The following DLGAP2 variants were observed in gnomAD, a reference collection of about 807,000 sequenced individuals.
DLGAP2 encodes the protein disks large-associated protein 2.
A neutral mutation model predicts 100.3 loss-of-function variants in DLGAP2; 26 were observed. The ratio of observed to expected loss-of-function variants is 0.26; its 90% CI spans 0.19 to 0.36. The LOEUF is 0.36. DLGAP2 is among the 10% of genes least tolerant of loss of function. The pLI is 1.00. For missense variants in DLGAP2, 1,858 were observed against 1,453.2 expected, an observed-to-expected ratio of 1.28 and a Z score of -4.53; for synonymous variants, 886 against 630.1, an observed-to-expected ratio of 1.41 and a Z score of -6.08.
intron 2 of DLGAP2, among the ~76,000 whole-genome samples, chr8:921,488 TGTGGCCAC>T (rs1251656993): frequency 1.3e-5 from 2 of 152,256 alleles, no homozygotes; most frequent in Admixed American, 6.5e-5. Flanking sequence ...TGAGCATTTC[TGTGGCCAC>T]GTGGCCACGT....
At chr8:1,336,106 C>A (rs1801267264) in intron 3 of DLGAP2, among the ~76,000 whole-genome samples, 1 of 152,236 alleles carries the variant, frequency 6.6e-6, no homozygotes, top group South Asian at 2.1e-4. Flanking sequence ...CTGCTGCATC[C>A]AAGACCACCC....
At chr8:803,898 G>A (rs1796217696) in intron 1 of DLGAP2, among the ~76,000 whole-genome samples, 1 of 152,220 alleles carries the variant, frequency 6.6e-6, no homozygotes, top group Middle Eastern at 3.4e-3. Flanking sequence ...ATGCACTTAG[G>A]GCTTTCAAAA....
At position 961,990 on chromosome 8, in the gene DLGAP2, C is replaced by T. The variant is rs74338786; in HGVS notation, c.73+54024C>T. Among the ~76,000 whole-genome samples the T allele has an allele frequency of 1.5e-4, 23 of 152,260 alleles. No homozygotes were observed. The East Asian group carries it at 4.3e-3, about 28-fold the overall frequency. On this transcript the variant is annotated intron_variant, in intron 2 of 14. Transcript: ENST00000637795. Reference sequence around the variant, plus strand: ...CATGGACGCCACCAGTGTGGCCATCCACACAGAGATTTGATTGGTTTCAGG... The same window carrying T: ...CATGGACGCCACCAGTGTGGCCATCTACACAGAGATTTGATTGGTTTCAGG...
intron 2 of DLGAP2, among the ~76,000 whole-genome samples, chr8:1,119,100 G>A (rs1795972342): frequency 1.3e-5 from 2 of 152,162 alleles, no homozygotes; most frequent in African/African-American, 4.8e-5. Flanking sequence ...ATTTTCAATT[G>A]ATAAGTGATT....
chr8:1,249,102 T>C (rs898002143), intron 2 of DLGAP2, among the ~76,000 whole-genome samples: 5 of 152,058 alleles, frequency 3.3e-5, no homozygotes, highest in Non-Finnish European at 7.4e-5. Context: ...TCAACACGAG[T>C]GTCCTGCATG....
intron 6 of DLGAP2, among the ~76,000 whole-genome samples, chr8:1,571,790 G>GAC (rs1802702013): frequency 7.1e-6 from 1 of 140,314 alleles, no homozygotes. Flanking sequence ...AGAGGAGACG[G>GAC]GGTGAACTAT....
intron 3 of DLGAP2, among the ~76,000 whole-genome samples, chr8:1,390,906 G>T (rs6997319): frequency 0.034 from 5,204 of 152,312 alleles, 234 homozygotes; most frequent in African/African-American, 0.1. Context: ...TGGCAAGGCA[G>T]GCAGCAACCT....
intron 4 of DLGAP2, among the ~76,000 whole-genome samples, chr8:1,511,080 A>G (rs1800144248): frequency 6.6e-6 from 1 of 152,266 alleles, no homozygotes; most frequent in African/African-American, 2.4e-5. Flanking sequence ...TAATACAAGC[A>G]TCGTCATTTT....
At chr8:1,490,199 T>A (rs1232024537) in intron 3 of DLGAP2, among the ~76,000 whole-genome samples, 1 of 152,174 alleles carries the variant, frequency 6.6e-6, no homozygotes, top group Non-Finnish European at 1.5e-5. Flanking sequence ...TTCATTTTTT[T>A]TGAAGTAAAA....
chr8:1,240,741 TGGTTCTCTCG>T, intron 2 of DLGAP2, among the ~76,000 whole-genome samples: 2 of 137,338 alleles, frequency 1.5e-5, no homozygotes, highest in Non-Finnish European at 3.2e-5. Context: ...GCGCCGTGTC[TGGTTCTCTCG>T]CATGGCGCCG....
At chr8:1,238,671 C>T (rs1585179977) in intron 2 of DLGAP2, among the ~76,000 whole-genome samples, 1 of 119,092 alleles carries the variant, frequency 8.4e-6, no homozygotes, top group African/African-American at 3.2e-5. Flanking sequence ...CTAGTTCTCT[C>T]TCACACATAG....
chr8:1,535,554 G>A (rs550603742), intron 4 of DLGAP2, among the ~76,000 whole-genome samples: 34 of 152,322 alleles, frequency 2.2e-4, no homozygotes, highest in African/African-American at 6.5e-4. Flanking sequence ...TGGCACACAC[G>A]TTGTTGTGAA....
chr8:1,139,116 G>T (rs573691554), intron 2 of DLGAP2, among the ~76,000 whole-genome samples: 1 of 152,342 alleles, frequency 6.6e-6, no homozygotes, highest in African/African-American at 2.4e-5. Flanking sequence ...TGTTTCCTGA[G>T]CGCCTGCTGC....
chr8:1,043,253 G>A (rs1242105199), intron 2 of DLGAP2, among the ~76,000 whole-genome samples: 20 of 97,320 alleles, frequency 2.1e-4, no homozygotes, highest in African/African-American at 5.0e-4. Context: ...TGGGTGGTGG[G>A]TGTGGGTGGT....
chr8:960,252 TC>T lies in DLGAP2; in HGVS notation c.73+52289del, dbSNP rs71528626. Among the ~76,000 whole-genome samples the T allele has an allele frequency of 1.1e-4, 16 of 142,018 alleles. 3 individuals carry two copies. The highest frequency in any genetic ancestry group is 2.3e-4 in the South Asian group (1 of 4,298). 93.2% of individuals were successfully genotyped at this position (142,018 alleles called of 152,430 possible). A position where few individuals can be genotyped will look rare whatever the true frequency, so the allele number is the denominator to read the frequency against. On this transcript the variant is annotated intron_variant, in intron 2 of 14. Coordinates refer to ENST00000637795, the MANE Select transcript of DLGAP2 (RefSeq NM_001346810.2). Reference sequence around the variant, plus strand: ...TGAAGTATATCTTTTTTTTTTTTTTTCCCGAGACACTCTCACGCTGTCGTCC... The same window carrying T: ...TGAAGTATATCTTTTTTTTTTTTTTTCCGAGACACTCTCACGCTGTCGTCC...
At chr8:1,434,998 C>G (rs1046090893) in intron 3 of DLGAP2, among the ~76,000 whole-genome samples, 5 of 152,162 alleles carry the variant, frequency 3.3e-5, no homozygotes, top group African/African-American at 1.2e-4. Flanking sequence ...ACATTCAGTA[C>G]TCTGTGTTAT....
chr8:1,104,277 G>A (rs1804681851), intron 2 of DLGAP2, among the ~76,000 whole-genome samples: 1 of 152,138 alleles, frequency 6.6e-6, no homozygotes, highest in Non-Finnish European at 1.5e-5. Context: ...CGCCAGCCCA[G>A]TAAAAAGAGC....
chr8:1,285,035 T>C (rs1799894462), intron 3 of DLGAP2, among the ~76,000 whole-genome samples: 1 of 152,222 alleles, frequency 6.6e-6, no homozygotes, highest in South Asian at 2.1e-4. Context: ...TTTGGTGTTT[T>C]TCCATAATTT....
chr8:1,682,686 A>C (rs532481912), intron 12 of DLGAP2, among the ~76,000 whole-genome samples: 8 of 151,476 alleles, frequency 5.3e-5, no homozygotes, highest in East Asian at 3.9e-4. Flanking sequence ...GTTGGCCAGG[A>C]TAATCGTGAA....
Sources: gnomAD v4.1 joint callset for allele counts (sites outside exome capture counted in the v4.1 genomes callset) on GRCh38, gnomAD v4.1.1 for gene constraint, MANE v1.5 for transcripts, NCBI Gene and HGNC (gene_info 2026-07-23, HGNC 2026-07-21) for gene names.